Variants in FAM184B observed in about 807,000 individuals in gnomAD.
FAM184B encodes the protein family with sequence similarity 184 member B.
FAM184B carries 111 observed loss-of-function variants against 135.9 expected under a neutral mutation model. The observed-to-expected ratio is 0.82, with a 90% CI of 0.70 to 0.96. FAM184B has a LOEUF of 0.96. Ranked by LOEUF, FAM184B falls within the 40% of genes least tolerant of loss-of-function variation. The probability of loss-of-function intolerance (pLI) is 0.00; values close to 1 mark genes in which losing one functional copy is unlikely to be tolerated. For synonymous variants in FAM184B, 552 were observed against 524.8 expected, an observed-to-expected ratio of 1.05 and a Z score of -0.71; for missense variants, 1,375 against 1,323.9, an observed-to-expected ratio of 1.04 and a Z score of -0.60.
At position 17,638,895 on chromosome 4, in the gene FAM184B, G is replaced by A. The variant is rs1715227943; in HGVS notation, c.2666+355C>T. On this transcript the variant is annotated intron_variant, in intron 14 of 17. Transcript: ENST00000265018. ...TCTGTTGCTGAAGCTGGAGTGCAGG[G>A]TCCTGATCTCCGTTCACTGAAAGCT... 2.6e-5 allele frequency among the ~76,000 whole-genome samples: 4 copies of A among 152,026 alleles called. No individual in the cohort carries two copies. In the South Asian group the frequency reaches 8.3e-4, roughly 32 times the overall value.
chr4:17,716,470 G>A (rs952870565), intron 1 of FAM184B, among the ~76,000 whole-genome samples: 1 of 151,982 alleles, frequency 6.6e-6, no homozygotes, highest in East Asian at 1.9e-4. Context: ...AGCCTCCTGA[G>A]TACCTGGGAT....
At chr4:17,680,391 C>G (rs987490716) in intron 7 of FAM184B, among the ~76,000 whole-genome samples, 1 of 152,094 alleles carries the variant, frequency 6.6e-6, no homozygotes, top group Admixed American at 6.6e-5. Context: ...GATTTGAACA[C>G]ATGTTCAATG....
At chr4:17,674,672 C>T (rs1352506020) in intron 7 of FAM184B, among the ~76,000 whole-genome samples, 1 of 152,180 alleles carries the variant, frequency 6.6e-6, no homozygotes, top group Non-Finnish European at 1.5e-5. Flanking sequence ...TGGAGGCAAT[C>T]CTCTCAAACT....
rs1715039855 is a variant in FAM184B, at chr4:17,633,853, G to C, written c.2925C>G (p.Val975=). The change falls in exon 17 of 18, where the codon GTC becomes GTG. Residue 975 remains valine (V), a synonymous_variant. Transcript: ENST00000265018. The part of the protein sequence containing the change: ...KKVEDVPSRV[V]SVPNLASYAK... ...CATAGGAGGCGAGGTTCGGCACGCT[G>C]ACCACGCGGCTGGGCACGTCCTCCA... is the stretch of plus-strand genomic sequence containing the variant. 3 of 1,551,162 alleles carry C rather than the reference G, an allele frequency of 1.9e-6. No individual in the cohort carries two copies. The highest frequency in any genetic ancestry group is 1.7e-6 in the Non-Finnish European group (2 of 1,146,836).
At position 17,705,850 on chromosome 4, in the gene FAM184B, G is replaced by A. The variant is rs61741465; in HGVS notation, c.1072C>T (p.Arg358Trp). 44 of 1,552,036 alleles carry A rather than the reference G, an allele frequency of 2.8e-5. No individual in the cohort carries two copies. The highest frequency in any genetic ancestry group is 6.8e-5 in the African/African-American group (5 of 73,026). Reference sequence around the variant, plus strand: ...CCGGCTTCCAAGTCATTCTCTTCCCGCAGGACTTTGTTCTCTGAAACTAAC... The same window carrying A: ...CCGGCTTCCAAGTCATTCTCTTCCCACAGGACTTTGTTCTCTGAAACTAAC... ...TELVSENKVL[R>W]EENDLEAGNL... The change falls in exon 4 of 18, where the codon CGG (arginine) becomes TGG (tryptophan). Residue 358 changes from arginine (R) to tryptophan (W), a missense_variant. Coordinates refer to ENST00000265018, the MANE Select transcript of FAM184B (RefSeq NM_015688.2).
chr4:17,685,209 A>G (rs1217203492), intron 7 of FAM184B, among the ~76,000 whole-genome samples: 2 of 151,082 alleles, frequency 1.3e-5, no homozygotes, highest in Non-Finnish European at 2.9e-5. Context: ...AAAAAAAAAA[A>G]AAAAAAAAAG....
chr4:17,651,190 G>A (rs1715605732), intron 11 of FAM184B, among the ~76,000 whole-genome samples: 1 of 152,180 alleles, frequency 6.6e-6, no homozygotes, highest in Non-Finnish European at 1.5e-5. Flanking sequence ...ATGAGGGACA[G>A]GGATGATCTA....
At chr4:17,757,700 C>T (rs1405835920) in intron 1 of FAM184B, among the ~76,000 whole-genome samples, 2 of 149,832 alleles carry the variant, frequency 1.3e-5, no homozygotes, top group South Asian at 2.1e-4. Flanking sequence ...TACATTATAC[C>T]GTATACTTTC....
chr4:17,660,573 TA>T (rs1291374094), intron 8 of FAM184B, among the ~76,000 whole-genome samples: 1 of 151,994 alleles, frequency 6.6e-6, no homozygotes, highest in Non-Finnish European at 1.5e-5. Context: ...CAAGTACAAA[TA>T]GGGGGATTAT....
At chr4:17,713,421 G>T (rs1717331782) in intron 1 of FAM184B, among the ~76,000 whole-genome samples, 1 of 152,162 alleles carries the variant, frequency 6.6e-6, no homozygotes, top group Non-Finnish European at 1.5e-5. Context: ...ACAGGATTTG[G>T]CCACTTCTGT....
In FAM184B at chr4:17,709,271, G is replaced by C. The variant is rs1717192521; in HGVS notation, c.515C>G (p.Pro172Arg). The change falls in exon 2 of 18, where the codon CCG (proline) becomes CGG (arginine). Residue 172 changes from proline (P) to arginine (R), a missense_variant. Coordinates refer to ENST00000265018, the MANE Select transcript of FAM184B (RefSeq NM_015688.2). ...GCTCTCCTGGGGCAGCCGGCCCTGC[G>C]GGGTAGCCTCGTGGCTCGTCAGGTG... ...LQHLTSHEAT[P>R]QGRLPQESPE... The C allele has an allele frequency of 1.3e-6, 2 of 1,548,148 alleles. No homozygotes were observed. Among genetic ancestry groups the C allele is most frequent in the South Asian group, 1.2e-5 (1 of 83,806 alleles).
At chr4:17,671,156 G>C (rs981954272) in intron 7 of FAM184B, among the ~76,000 whole-genome samples, 60 of 152,116 alleles carry the variant, frequency 3.9e-4, no homozygotes, top group African/African-American at 1.3e-3. Context: ...CTGGTAGGGA[G>C]ATTCAGAACA....
intron 1 of FAM184B, among the ~76,000 whole-genome samples, chr4:17,731,068 G>A (rs2108977819): frequency 6.6e-6 from 1 of 152,252 alleles, no homozygotes; most frequent in South Asian, 2.1e-4. Flanking sequence ...TTCATATCCA[G>A]CCGAACTAAG....
intron 1 of FAM184B, among the ~76,000 whole-genome samples, chr4:17,765,400 T>C (rs1328771343): frequency 6.6e-6 from 1 of 152,146 alleles, no homozygotes; most frequent in African/African-American, 2.4e-5. Flanking sequence ...ACAATATTGA[T>C]TATAATATTG....
chr4:17,703,419 G>A lies in FAM184B; in HGVS notation c.1377+1581C>T, dbSNP rs973409451. On this transcript the variant is annotated intron_variant, in intron 5 of 17. Coordinates refer to ENST00000265018, the MANE Select transcript of FAM184B (RefSeq NM_015688.2). ...AGACTGAGGTGGAAGGATCCCTTGA[G>A]CCCAGGAGGTTGAGGCTGCAGTGAG... is the stretch of plus-strand genomic sequence containing the variant. 9.9e-5 allele frequency among the ~76,000 whole-genome samples: 15 copies of A among 151,886 alleles called. 1 individual carries two copies. In the East Asian group the frequency reaches 2.7e-3, roughly 28 times the overall value.
chr4:17,738,629 T>G (rs560201107), intron 1 of FAM184B, among the ~76,000 whole-genome samples: 3 of 152,110 alleles, frequency 2.0e-5, no homozygotes, highest in African/African-American at 7.2e-5. Context: ...TCTGTCTGAC[T>G]GTAAAAAAAA....
intron 1 of FAM184B, among the ~76,000 whole-genome samples, chr4:17,766,782 G>C (rs1227397619): frequency 6.6e-6 from 1 of 152,250 alleles, no homozygotes; most frequent in African/African-American, 2.4e-5. Flanking sequence ...AGGCGGAGGT[G>C]CCTGCCAGTC....
In FAM184B at chr4:17,642,144, TCTC is replaced by T. The variant is rs1439681654; in HGVS notation, c.2428_2430del (p.Glu810del). 7.2e-6 allele frequency: 11 copies of T among 1,533,350 alleles called. No individual in the cohort carries two copies. The highest frequency in any genetic ancestry group is 3.5e-6 in the Non-Finnish European group (4 of 1,145,502). 95.0% of individuals were successfully genotyped at this position (1,533,350 alleles called of 1,614,324 possible). ...CGCACCGCGTCCTGGAGCTGCGCGTTCTCCTCCCAGAGCCCGCATCCCTCGCCG... is the reference window on the plus strand; with the variant it reads ...CGCACCGCGTCCTGGAGCTGCGCGTTCTCCCAGAGCCCGCATCCCTCGCCG... On this transcript the variant is annotated inframe_deletion, in exon 13 of 18. Coordinates refer to ENST00000265018, the MANE Select transcript of FAM184B (RefSeq NM_015688.2).
chr4:17,634,298 G>T (rs1043977567), intron 16 of FAM184B, among the ~76,000 whole-genome samples: 2 of 152,178 alleles, frequency 1.3e-5, no homozygotes, highest in African/African-American at 2.4e-5. Flanking sequence ...AGTCACAAGT[G>T]TATTGTCCTG....
Sources: allele counts gnomAD v4.1 joint callset (sites outside exome capture counted in the v4.1 genomes callset), GRCh38; gene constraint gnomAD v4.1.1; transcripts MANE v1.5; gene names NCBI Gene and HGNC (gene_info 2026-07-23, HGNC 2026-07-21).